ZFR2: variants seen among roughly 807,000 people sequenced by gnomAD.
ZFR2 encodes zinc finger RNA-binding protein 2.
Under a neutral mutation model 105.7 loss-of-function variants are expected in ZFR2, and 104 were observed. The ratio of observed to expected loss-of-function variants is 0.98; its 90% CI spans 0.84 to 1.16. The LOEUF is 1.16. ZFR2 is among the 50% of genes most tolerant of loss of function. The pLI, the probability that ZFR2 is intolerant of heterozygous loss-of-function variation, is 0.00. For missense variants in ZFR2, 1,425 were observed against 1,355.5 expected, an observed-to-expected ratio of 1.05 and a Z score of -0.80; for synonymous variants, 634 against 597.7, an observed-to-expected ratio of 1.06 and a Z score of -0.89.
chr19:3,819,800 C>T (rs922110533), intron 11 of ZFR2, among the ~76,000 whole-genome samples: 35 of 150,064 alleles, frequency 2.3e-4, no homozygotes, highest in African/African-American at 6.9e-4. Context: ...TGCAGTGAGG[C>T]CACGATTGCA....
chr19:3,807,135 C>A, intron 18 of ZFR2, 37 bp downstream of exon 18: 2 of 1,475,572 alleles, frequency 1.4e-6, no homozygotes, highest in Non-Finnish European at 1.8e-6. Context: ...GGAGCTGGGG[C>A]CTGGGTGTCA....
In ZFR2 at chr19:3,838,040, C is replaced by CACCATGACCGTGACACGT. The variant is rs1568427291; in HGVS notation, c.54-3058_54-3057insACGTGTCACGGTCATGGT. Among the ~76,000 whole-genome samples the CACCATGACCGTGACACGT allele has an allele frequency of 1.3e-5, 2 of 149,530 alleles. No homozygotes were observed. Among genetic ancestry groups the CACCATGACCGTGACACGT allele is most frequent in the South Asian group, 2.1e-4 (1 of 4,686 alleles). On this transcript the variant is annotated intron_variant, in intron 1 of 18. Transcript: ENST00000262961. The surrounding 1 kb of genome is among the most constrained non-coding windows in gnomAD (Gnocchi z 4.9). ...TGATGAACACCGTGACTGTGACACA[C>CACCATGACCGTGACACGT]GATGAACACCATGACCGTGACACGT... is the stretch of plus-strand genomic sequence containing the variant.
intron 1 of ZFR2, among the ~76,000 whole-genome samples, chr19:3,854,351 C>T (rs553733294): frequency 1.4e-3 from 215 of 152,008 alleles, no homozygotes; most frequent in African/African-American, 4.7e-3. Context: ...TGAGATCGCA[C>T]CACTGCACTC....
In ZFR2 at chr19:3,805,685, T is replaced by C. The variant is rs2037687776; in HGVS notation, c.*264A>G. On this transcript the variant is annotated 3_prime_UTR_variant, in exon 19 of 19. Coordinates refer to ENST00000262961, the MANE Select transcript of ZFR2 (RefSeq NM_015174.2). The stretch of plus-strand genomic sequence containing the variant: ...GCCAAGCTGATTTTTAAAAATATTT[T>C]GGAGAGATGGGGGTCTCACTCTGTT... 5.0e-6 allele frequency: 2 copies of C among 397,822 alleles called. No individual in the cohort carries two copies. The highest frequency in any genetic ancestry group is 8.6e-5 in the Admixed American group (2 of 23,220). 24.6% of individuals were successfully genotyped at this position (397,822 alleles called of 1,614,324 possible).
At chr19:3,818,589 T>C (rs1234474371) in intron 12 of ZFR2, among the ~76,000 whole-genome samples, 1 of 152,172 alleles carries the variant, frequency 6.6e-6, no homozygotes, top group East Asian at 1.9e-4. Context: ...TTAGACGACG[T>C]GGGGACTTTC....
intron 1 of ZFR2, among the ~76,000 whole-genome samples, chr19:3,853,273 G>A (rs539966218): frequency 2.9e-4 from 44 of 152,266 alleles, no homozygotes; most frequent in Admixed American, 1.1e-3. Context: ...GGTTCCCAGC[G>A]TGGGCGGTCA....
chr19:3,851,976 G>A (rs993295461), intron 1 of ZFR2: 14 of 212,380 alleles, frequency 6.6e-5, no homozygotes, highest in East Asian at 4.0e-4. Context: ...GAAAAGGTCC[G>A]CTGACCTCTG....
intron 6 of ZFR2, 23 bp downstream of exon 6, chr19:3,827,448 G>C: frequency 1.3e-6 from 2 of 1,513,254 alleles, no homozygotes; most frequent in Non-Finnish European, 1.8e-6. Context: ...GGGTGGCAGA[G>C]CCTGGGCCGG....
rs1033331487 is a variant in ZFR2 at position 3,823,402 on chromosome 19, C to T, written c.1215G>A (p.Gly405=). The T allele has an allele frequency of 3.7e-6, 6 of 1,601,836 alleles. No individual in the cohort carries two copies. The highest frequency in any genetic ancestry group is 5.1e-6 in the Non-Finnish European group (6 of 1,174,698). The change falls in exon 8 of 19, where the codon GGG becomes GGA. Residue 405 remains glycine (G), a splice_region_variant and synonymous_variant. Coordinates refer to ENST00000262961, the MANE Select transcript of ZFR2 (RefSeq NM_015174.2). The surrounding 1 kb of genome is among the most constrained non-coding windows in gnomAD (Gnocchi z 5.4). ...RPVASKALCE[G]PPEPQAAGCR... is the part of the protein sequence containing the mutation. ...AGCCTGCTGCCTGTGGCTCAGGAGG[C>T]CCTGAGGGGAAAAACCATGTCACTT...
chr19:3,826,320 G>T (rs2145153017), intron 6 of ZFR2, among the ~76,000 whole-genome samples: 1 of 152,148 alleles, frequency 6.6e-6, no homozygotes, highest in African/African-American at 2.4e-5. Context: ...CCTCAGCCAG[G>T]CCTCTCAGGG....
At chr19:3,844,274 C>T (rs1001132305) in intron 1 of ZFR2, among the ~76,000 whole-genome samples, 3 of 152,024 alleles carry the variant, frequency 2.0e-5, no homozygotes, top group African/African-American at 7.3e-5. Context: ...CCTCTCCACC[C>T]ATCTATCTTG....
intron 13 of ZFR2, among the ~76,000 whole-genome samples, chr19:3,815,775 G>A (rs1335653163): frequency 2.7e-5 from 4 of 147,708 alleles, no homozygotes; most frequent in Admixed American, 6.8e-5. Flanking sequence ...TTTTTTAGAC[G>A]GAGTCTCGCT....
chr19:3,819,262 G>T (rs1335299223), intron 11 of ZFR2, 27 bp from the exon 12 acceptor site: 1 of 1,489,028 alleles, frequency 6.7e-7, no homozygotes, highest in East Asian at 2.4e-5. Context: ...CACGTGTCAA[G>T]GGTGGTCTGT....
At position 3,805,859 on chromosome 19, in the gene ZFR2, C is replaced by A; in HGVS notation, c.*90G>T. On this transcript the variant is annotated 3_prime_UTR_variant, in exon 19 of 19. Coordinates refer to ENST00000262961, the MANE Select transcript of ZFR2 (RefSeq NM_015174.2). ...TACTCAAAAGGAAATGACCATTGTC[C>A]AACGTCGGGGATGAAGCAGCCATTG... 1 of 1,363,032 alleles carries A rather than the reference C, an allele frequency of 7.3e-7. No homozygotes were observed. The highest frequency in any genetic ancestry group is 9.6e-7 in the Non-Finnish European group (1 of 1,040,866). 84.4% of individuals were successfully genotyped at this position (1,363,032 alleles called of 1,614,324 possible).
chr19:3,825,309 G>A lies in ZFR2; in HGVS notation c.1134C>T (p.Ser378=). Residue 378 remains serine, a synonymous_variant, in exon 7 of 19, where the codon TCC becomes TCT. Transcript: ENST00000262961. ...AGGCACACACGCTGGGGCCAGTGGG[G>A]GACGTGGGCTTGGCCTCTGCCCCGG... ...SPPGAEAKPT[S]PTGPSVCASS... is the part of the protein sequence containing the mutation. 4 of 1,582,454 alleles carry A rather than the reference G, an allele frequency of 2.5e-6. No individual in the cohort carries two copies. Among genetic ancestry groups the A allele is most frequent in the Non-Finnish European group, 3.4e-6 (4 of 1,169,756 alleles).
chr19:3,822,775 C>T (rs78228909), intron 8 of ZFR2, among the ~76,000 whole-genome samples: 6 of 152,260 alleles, frequency 3.9e-5, no homozygotes, highest in East Asian at 1.9e-4. Context: ...CTCTTTGGCA[C>T]GCACAAGGCC....
At chr19:3,819,998 G>T (rs953564178) in intron 11 of ZFR2, among the ~76,000 whole-genome samples, 184 bp downstream of exon 11, 22 of 152,350 alleles carry the variant, frequency 1.4e-4, no homozygotes, top group African/African-American at 5.3e-4. Context: ...GATCTCTGTG[G>T]CCAGTGGCAG....
In ZFR2 at chr19:3,819,279, C is replaced by T. The variant is rs754181054; in HGVS notation, c.1741-44G>A. 1.4e-4 allele frequency: 204 copies of T among 1,441,558 alleles called. 1 individual carries two copies. In the East Asian group the frequency reaches 5.1e-3, roughly 36 times the overall value. 89.3% of individuals were successfully genotyped at this position (1,441,558 alleles called of 1,614,324 possible). On this transcript the variant is annotated intron_variant, in intron 11 of 18. Coordinates refer to ENST00000262961, the MANE Select transcript of ZFR2 (RefSeq NM_015174.2). Reference sequence around the variant, plus strand: ...CGTGTCAAGGGTGGTCTGTGGGGACCCTTGGGGAGTGCTGGGCAGGCGGGC... The same window carrying T: ...CGTGTCAAGGGTGGTCTGTGGGGACTCTTGGGGAGTGCTGGGCAGGCGGGC...
intron 16 of ZFR2, 96 bp downstream of exon 16, chr19:3,810,654 C>T (rs1488259220): frequency 2.0e-5 from 25 of 1,239,330 alleles, no homozygotes; most frequent in East Asian, 1.3e-4. Flanking sequence ...CCGGCTCCTT[C>T]GAGGGAAAAG....
Sources: allele counts gnomAD v4.1 joint callset (sites outside exome capture counted in the v4.1 genomes callset), GRCh38; gene constraint gnomAD v4.1.1; non-coding constraint Gnocchi (gnomAD v3.1); transcripts MANE v1.5; gene names NCBI Gene and HGNC (gene_info 2026-07-23, HGNC 2026-07-21).